RPL37A: variants seen among roughly 807,000 people sequenced by gnomAD.
RPL37A encodes the protein ribosomal protein L37a, also known as large ribosomal subunit protein eL43.
In RPL37A, 5 loss-of-function variants were observed where a neutral mutation model predicts 13.6. That is an observed-to-expected ratio of 0.37 (90% CI 0.19 to 0.78). RPL37A has a LOEUF of 0.78. Among genes scored for constraint, RPL37A ranks in the 30% least tolerant of loss-of-function variants. The pLI, the probability that RPL37A is intolerant of heterozygous loss-of-function variation, is 0.49. For synonymous variants in RPL37A, 50 were observed against 44.4 expected (o/e 1.13, Z -0.50); for missense variants, 77 against 120.0 (o/e 0.64, Z 1.67).
chr2:216,500,140 A>G (rs1232813055), intron 3 of RPL37A, 109 bp downstream of exon 3: 1 of 782,486 alleles, frequency 1.3e-6, no homozygotes, highest in Non-Finnish European at 2.2e-6. Flanking sequence ...CTGAGAGAAT[A>G]AGGATGCCTT....
rs775792567 is a variant in RPL37A, at chr2:216,498,871, C to T, written c.-4C>T. On this transcript the variant is annotated 5_prime_UTR_variant, in exon 1 of 4. Coordinates refer to ENST00000491306, the MANE Select transcript of RPL37A (RefSeq NM_000998.5). ...TTCTGGGCTCGGACCTAGGTCGCGG[C>T]GACATGGTGAGTGTGGGTCTCTGTG... is the stretch of plus-strand genomic sequence containing the variant. 4.4e-5 allele frequency: 71 copies of T among 1,613,984 alleles called. No homozygotes were observed. Among genetic ancestry groups the T allele is most frequent in the Middle Eastern group, 1.6e-4 (1 of 6,080 alleles).
Position 216,503,631 on chromosome 2 carries a change from G to C in RPL37A, c.*2227G>C, listed in dbSNP as rs980314223. 1 of 152,128 alleles carries C rather than the reference G, an allele frequency of 6.6e-6. No individual in the cohort carries two copies. The highest frequency in any genetic ancestry group is 1.5e-5 in the Non-Finnish European group (1 of 68,032). 9.4% of individuals were successfully genotyped at this position (152,128 alleles called of 1,614,324 possible). ...TGACCAGGCTGGTCTCAAACTCCCA[G>C]GCTCAACTGATAACGTCTGCCTTGG... On this transcript the variant is annotated 3_prime_UTR_variant, in exon 4 of 4. Transcript: ENST00000491306.
Position 216,501,461 on chromosome 2 carries a change from A to G in RPL37A, c.*57A>G. 7.9e-7 allele frequency: 1 copy of G among 1,258,428 alleles called. No homozygotes were observed. The highest frequency in any genetic ancestry group is 1.2e-5 in the South Asian group (1 of 80,212). The allele number at this position is 1,258,428 out of a possible 1,614,324, so 78.0% of individuals were successfully genotyped here. On this transcript the variant is annotated 3_prime_UTR_variant, in exon 4 of 4. Coordinates refer to ENST00000491306, the MANE Select transcript of RPL37A (RefSeq NM_000998.5). ...CTATAATAAATGGGTTAATTTATGTAACAAAATTGCCTTGGCTTGTTAACT... is the reference window on the plus strand; with the variant it reads ...CTATAATAAATGGGTTAATTTATGTGACAAAATTGCCTTGGCTTGTTAACT...
Position 216,499,371 on chromosome 2 carries a change from C to T in RPL37A, c.105C>T (p.Ala35=), listed in dbSNP as rs760543291. 1 of 1,614,166 alleles carries T rather than the reference C, an allele frequency of 6.2e-7. No individual in the cohort carries two copies. The highest frequency in any genetic ancestry group is 8.5e-7 in the Non-Finnish European group (1 of 1,180,042). ...AGAAAATTGAAATCAGCCAGCACGC[C>T]AAGTACACTTGCTCTTTCTGTGGCA... is the stretch of plus-strand genomic sequence containing the variant. ...MVKKIEISQH[A]KYTCSFCGKT... is the part of the protein sequence containing the mutation. The change falls in exon 2 of 4, where the codon GCC becomes GCT. Residue 35 remains alanine (A), a synonymous_variant. Transcript: ENST00000491306.
chr2:216,499,228 G>A, intron 1 of RPL37A, 42 bp from the exon 2 acceptor site: 1 of 1,592,144 alleles, frequency 6.3e-7, no homozygotes, highest in Non-Finnish European at 8.5e-7. Flanking sequence ...GGCCTGCCTG[G>A]GTTCCAGGTC....
chr2:216,499,535 A>G lies in RPL37A; in HGVS notation c.132+137A>G, dbSNP rs944689909. Reference sequence around the variant, plus strand: ...ACTCATACCGTTGATTATGAGTTTTAAGATAAAAGTGTTGATGGTAACTTC... The same window carrying G: ...ACTCATACCGTTGATTATGAGTTTTGAGATAAAAGTGTTGATGGTAACTTC... On this transcript the variant is annotated intron_variant, in intron 2 of 3. Coordinates refer to ENST00000491306, the MANE Select transcript of RPL37A (RefSeq NM_000998.5). The G allele has an allele frequency of 6.5e-6, 7 of 1,082,330 alleles. No individual in the cohort carries two copies. The African/African-American group carries it at 1.1e-4, about 17-fold the overall frequency. The allele number at this position is 1,082,330 out of a possible 1,614,324, so 67.0% of individuals were successfully genotyped here.
chr2:216,501,529 A>G lies in RPL37A; in HGVS notation c.*125A>G, dbSNP rs1695599986. The G allele has an allele frequency of 3.3e-6, 2 of 611,040 alleles. No individual in the cohort carries two copies. Among genetic ancestry groups the G allele is most frequent in the African/African-American group, 3.7e-5 (2 of 53,748 alleles). 37.9% of individuals were successfully genotyped at this position (611,040 alleles called of 1,614,324 possible). On this transcript the variant is annotated 3_prime_UTR_variant, in exon 4 of 4. Coordinates refer to ENST00000491306, the MANE Select transcript of RPL37A (RefSeq NM_000998.5). ...GTTTGCATTGTGTAAATACTGTTGT[A>G]TTGGAAAAGCATGCCAAGATGGATT...
At position 216,502,585 on chromosome 2, in the gene RPL37A, T is replaced by C. The variant is rs542856607; in HGVS notation, c.*1181T>C. ...GAATTCGAGTTATTTTAGGCCTGCC[T>C]TTGACACTTTTATGCACTTAATTCA... On this transcript the variant is annotated 3_prime_UTR_variant, in exon 4 of 4. Coordinates refer to ENST00000491306, the MANE Select transcript of RPL37A (RefSeq NM_000998.5). The C allele has an allele frequency of 2.0e-4, 30 of 152,372 alleles. No individual in the cohort carries two copies. Among genetic ancestry groups the C allele is most frequent in the Admixed American group, 5.9e-4 (9 of 15,308 alleles). The allele number at this position is 152,372 out of a possible 1,614,324, so 9.4% of individuals were successfully genotyped here. A position where few individuals can be genotyped will look rare whatever the true frequency, so the allele number is the denominator to read the frequency against.
intron 3 of RPL37A, chr2:216,500,796 GGT>G (rs1200831571): frequency 6.6e-6 from 1 of 152,226 alleles, no homozygotes; most frequent in African/African-American, 2.4e-5. Flanking sequence ...TGAATTTTAT[GGT>G]AAAACTTTTG....
At position 216,501,451 on chromosome 2, in the gene RPL37A, T is replaced by G; in HGVS notation, c.*47T>G. 1 of 1,336,342 alleles carries G rather than the reference T, an allele frequency of 7.5e-7. No individual in the cohort carries two copies. Among genetic ancestry groups the G allele is most frequent in the Non-Finnish European group, 1.1e-6 (1 of 937,116 alleles). The allele number at this position is 1,336,342 out of a possible 1,614,324, so 82.8% of individuals were successfully genotyped here. A position where few individuals can be genotyped will look rare whatever the true frequency, so the allele number is the denominator to read the frequency against. ...CATCACTGGCCTATAATAAATGGGT[T>G]AATTTATGTAACAAAATTGCCTTGG... On this transcript the variant is annotated 3_prime_UTR_variant, in exon 4 of 4. Coordinates refer to ENST00000491306, the MANE Select transcript of RPL37A (RefSeq NM_000998.5).
chr2:216,500,495 G>C (rs1251593562), intron 3 of RPL37A: 1 of 185,610 alleles, frequency 5.4e-6, no homozygotes, highest in Non-Finnish European at 1.1e-5. Context: ...AGTATCACCT[G>C]ACAGGGCGAT....
chr2:216,499,509 TACTC>T (rs1355686595), intron 2 of RPL37A, 111 bp downstream of exon 2: 1 of 1,248,106 alleles, frequency 8.0e-7, no homozygotes, highest in Non-Finnish European at 1.1e-6. Flanking sequence ...CAGTTGGAAT[TACTC>T]ATACCGTTGA....
chr2:216,499,832 G>A, intron 2 of RPL37A, 117 bp from the exon 3 acceptor site: 1 of 878,588 alleles, frequency 1.1e-6, no homozygotes, highest in South Asian at 1.4e-5. Flanking sequence ...TGTTTTTGAG[G>A]GAGAAAGGGA....
At position 216,502,983 on chromosome 2, in the gene RPL37A, T is replaced by C. The variant is rs1216698265; in HGVS notation, c.*1579T>C. ...TCTCATTTGTGTCACAAAATGGTACTCCTACTGATTTTGTAATGTGAAGCA... is the reference window on the plus strand; with the variant it reads ...TCTCATTTGTGTCACAAAATGGTACCCCTACTGATTTTGTAATGTGAAGCA... On this transcript the variant is annotated 3_prime_UTR_variant, in exon 4 of 4. Transcript: ENST00000491306. The C allele has an allele frequency of 1.3e-5, 2 of 152,142 alleles. No individual in the cohort carries two copies. Among genetic ancestry groups the C allele is most frequent in the Non-Finnish European group, 2.9e-5 (2 of 68,030 alleles). 9.4% of individuals were successfully genotyped at this position (152,142 alleles called of 1,614,324 possible).
chr2:216,500,036 G>C lies in RPL37A; in HGVS notation c.215+5G>C. The C allele has an allele frequency of 1.2e-6, 2 of 1,610,254 alleles. No individual in the cohort carries two copies. The highest frequency in any genetic ancestry group is 1.7e-6 in the Non-Finnish European group (2 of 1,177,562). On this transcript the variant is annotated splice_donor_5th_base_variant and intron_variant, in intron 3 of 3. Coordinates refer to ENST00000491306, the MANE Select transcript of RPL37A (RefSeq NM_000998.5). ...TGGCGGTGCCTGGACGTACAAGTGA[G>C]TCTAGTTCCTTGTGGTATTTGGAAG...
chr2:216,501,022 T>TA, intron 3 of RPL37A: 1 of 211,150 alleles, frequency 4.7e-6, no homozygotes, highest in South Asian at 9.1e-5. Flanking sequence ...CTGAGTTACT[T>TA]ATAAAAAAAA....
chr2:216,499,858 G>T, intron 2 of RPL37A, 91 bp from the exon 3 acceptor site: 1 of 1,097,766 alleles, frequency 9.1e-7, no homozygotes, highest in Non-Finnish European at 1.4e-6. Flanking sequence ...TCACATCCCT[G>T]ACAATAAGGT....
chr2:216,499,028 A>G, intron 1 of RPL37A, 151 bp downstream of exon 1: 1 of 1,301,074 alleles, frequency 7.7e-7, no homozygotes, highest in Non-Finnish European at 1.1e-6. Context: ...AAGCTCCCCA[A>G]GGCGGAGGGG....
In RPL37A at chr2:216,499,257, T is replaced by G. The variant is rs1695554530; in HGVS notation, c.4-13T>G. On this transcript the variant is annotated splice_polypyrimidine_tract_variant and intron_variant, in intron 1 of 3. Coordinates refer to ENST00000491306, the MANE Select transcript of RPL37A (RefSeq NM_000998.5). Reference sequence around the variant, plus strand: ...CCAGGTCTATCACTGGTTTCTCCCTTCACTCTAAACAGGCCAAACGTACCA... The same window carrying G: ...CCAGGTCTATCACTGGTTTCTCCCTGCACTCTAAACAGGCCAAACGTACCA... The G allele has an allele frequency of 6.2e-7, 1 of 1,609,522 alleles. No homozygotes were observed. The highest frequency in any genetic ancestry group is 1.3e-5 in the African/African-American group (1 of 74,860).
Sources: allele counts gnomAD v4.1 joint callset, GRCh38; gene constraint gnomAD v4.1.1; transcripts MANE v1.5; gene names NCBI Gene and HGNC (gene_info 2026-07-23, HGNC 2026-07-21).